The following DMTF1 variants were observed in gnomAD, a reference collection of about 807,000 sequenced individuals.
DMTF1 encodes the protein cyclin-D-binding Myb-like transcription factor 1.
A neutral mutation model predicts 91.1 loss-of-function variants in DMTF1; 39 were observed. That is an observed-to-expected ratio of 0.43 (90% confidence interval 0.33 to 0.56). DMTF1 has a LOEUF of 0.56. Among genes scored for constraint, DMTF1 ranks in the 20% least tolerant of loss-of-function variants. The pLI, the probability that DMTF1 is intolerant of heterozygous loss-of-function variation, is 0.05. For synonymous variants in DMTF1, 338 were observed against 309.5 expected (o/e 1.09, Z -0.97); for missense variants, 750 against 914.5 (o/e 0.82, Z 2.32).
chr7:87,158,076 T>C (rs1791247022), intron 1 of DMTF1, among the ~76,000 whole-genome samples: 1 of 152,084 alleles, frequency 6.6e-6, no homozygotes, highest in Admixed American at 6.5e-5. Flanking sequence ...AATAAAACTA[T>C]CAACTTTTGT....
intron 4 of DMTF1, among the ~76,000 whole-genome samples, chr7:87,169,731 C>T (rs981943813): frequency 2.0e-5 from 3 of 152,190 alleles, no homozygotes; most frequent in Non-Finnish European, 4.4e-5. Context: ...ATTACTCCCT[C>T]CTCCCTGAAA....
At chr7:87,157,965 T>C (rs975136476) in intron 1 of DMTF1, among the ~76,000 whole-genome samples, 5 of 152,226 alleles carry the variant, frequency 3.3e-5, no homozygotes, top group Admixed American at 2.0e-4. Context: ...TAAAAGTATG[T>C]TTTAAGAAAT....
In DMTF1 at chr7:87,195,137, T is replaced by G; in HGVS notation, c.2280T>G (p.His760Gln). ...ATGTCGAAGATTTGGTAAACTGTCA[T>G]TAGAATAATTCTTAGAAATAGGCAG... ...SKDVEDLVNC[H>Q] Residue 760 changes from histidine (H) to glutamine (Q), a missense_variant, in exon 18 of 18, where the codon CAT (histidine) becomes CAG (glutamine). This residue lies in a region of DMTF1 where 410 missense variants were observed against 420.2 expected (regional missense o/e 0.98). Coordinates refer to ENST00000331242, the MANE Select transcript of DMTF1 (RefSeq NM_001142327.2). 1 of 1,603,144 alleles carries G rather than the reference T, an allele frequency of 6.2e-7. No homozygotes were observed. The highest frequency in any genetic ancestry group is 1.1e-5 in the South Asian group (1 of 90,756).
chr7:87,167,448 T>A (rs1193363207), intron 4 of DMTF1, among the ~76,000 whole-genome samples: 2 of 152,222 alleles, frequency 1.3e-5, no homozygotes, highest in African/African-American at 4.8e-5. Flanking sequence ...ATGCAACACA[T>A]GGCTGTTGGC....
At chr7:87,173,356 A>C (rs772911482) in intron 5 of DMTF1, among the ~76,000 whole-genome samples, 179 bp from the exon 6 acceptor site, 17 of 152,278 alleles carry the variant, frequency 1.1e-4, no homozygotes, top group Non-Finnish European at 1.9e-4. Context: ...AACAGCAAGA[A>C]ATATTTTTTT....
chr7:87,193,416 A>G, intron 15 of DMTF1, 63 bp downstream of exon 15: 1 of 1,540,120 alleles, frequency 6.5e-7, no homozygotes, highest in Non-Finnish European at 9.0e-7. Context: ...GTTGATAAGG[A>G]CCAAAATAGA....
At chr7:87,172,372 C>T (rs1483436902) in intron 5 of DMTF1, among the ~76,000 whole-genome samples, 1 of 152,190 alleles carries the variant, frequency 6.6e-6, no homozygotes, top group East Asian at 1.9e-4. Flanking sequence ...GATTCAAAAA[C>T]GCTTTCATAA....
chr7:87,162,781 G>T (rs1333153297), intron 1 of DMTF1: 1 of 149,936 alleles, frequency 6.7e-6, no homozygotes, highest in Admixed American at 6.6e-5. Flanking sequence ...CCTAATTTTT[G>T]CTGAAACGTC....
In DMTF1 at chr7:87,179,595, C is replaced by A. The variant is rs184925730; in HGVS notation, c.570C>A (p.Asp190Glu). The A allele has an allele frequency of 6.4e-7, 1 of 1,561,636 alleles. No individual in the cohort carries two copies. Among genetic ancestry groups the A allele is most frequent in the Non-Finnish European group, 8.6e-7 (1 of 1,162,682 alleles). Residue 190 changes from aspartate (D) to glutamate (E), a missense_variant, in exon 8 of 18, where the codon GAC becomes GAA. Physicochemically the swap from Asp to Glu is conservative, Grantham distance 45. Coordinates refer to ENST00000331242, the MANE Select transcript of DMTF1 (RefSeq NM_001142327.2). ...AAATCATCTTTGAGATGTCAAAAGA[C>A]GAAAGAAAAGATTTCTACAGGACTA... ...ATEIIFEMSK[D>E]ERKDFYRTIA...
chr7:87,192,085 C>A (rs995925185), intron 14 of DMTF1, among the ~76,000 whole-genome samples: 1 of 151,922 alleles, frequency 6.6e-6, no homozygotes, highest in Non-Finnish European at 1.5e-5. Context: ...CTTTTTTAAG[C>A]CCATTCCCCT....
At chr7:87,168,185 G>C (rs567078842) in intron 4 of DMTF1, among the ~76,000 whole-genome samples, 4 of 152,240 alleles carry the variant, frequency 2.6e-5, no homozygotes, top group Non-Finnish European at 5.9e-5. Flanking sequence ...CACAGCATCA[G>C]CCTAACTCTC....
intron 8 of DMTF1, among the ~76,000 whole-genome samples, chr7:87,180,830 A>G (rs1797176804): frequency 6.6e-6 from 1 of 151,858 alleles, no homozygotes; most frequent in South Asian, 2.1e-4. Flanking sequence ...TTAAAAAAAA[A>G]TAAAAATAGA....
At chr7:87,173,176 T>C (rs1217742432) in intron 5 of DMTF1, among the ~76,000 whole-genome samples, 1 of 152,168 alleles carries the variant, frequency 6.6e-6, no homozygotes, top group African/African-American at 2.4e-5. Context: ...TTGAGCTCAT[T>C]TACATGTGTA....
intron 13 of DMTF1, 83 bp downstream of exon 13, chr7:87,188,384 A>C (rs1029529073): frequency 2.9e-5 from 42 of 1,435,718 alleles, no homozygotes; most frequent in Non-Finnish European, 3.9e-5. Flanking sequence ...GTTTTCTAGA[A>C]TGTTAATAGA....
Position 87,193,740 on chromosome 7 carries a change from A to C in DMTF1, c.1666A>C (p.Asn556His). ...VHALSPEHLL[N>H]TSDNVTVQCH... is the part of the protein sequence containing the mutation. ...TGTTTTATAGCCAGAACATTTGTTG[A>C]ACACAAGTGATAATGTTACAGTGCA... Residue 556 changes from asparagine (N) to histidine (H), a missense_variant, in exon 16 of 18, where the codon AAC becomes CAC. By Grantham distance (68) the Asn-to-His change is moderately conservative (BLOSUM62 1). Around this residue, in one of 3 missense-constraint regions of DMTF1, gnomAD observed 410 missense variants for 420.2 expected, o/e 0.98. Transcript: ENST00000331242. The C allele has an allele frequency of 1.2e-6, 2 of 1,600,320 alleles. No homozygotes were observed. The highest frequency in any genetic ancestry group is 1.7e-6 in the Non-Finnish European group (2 of 1,173,784).
intron 1 of DMTF1, among the ~76,000 whole-genome samples, chr7:87,156,226 A>C (rs187943106): frequency 2.6e-5 from 4 of 152,328 alleles, no homozygotes; most frequent in Non-Finnish European, 5.9e-5. Context: ...TTGAATAAGC[A>C]ATATAGTTTT....
chr7:87,160,385 C>T (rs1791991511), intron 1 of DMTF1, among the ~76,000 whole-genome samples: 1 of 151,910 alleles, frequency 6.6e-6, no homozygotes, highest in Admixed American at 6.6e-5. Flanking sequence ...AGTGATTCTC[C>T]TGCCTCAGCC....
chr7:87,193,404 T>G (rs1800358285), intron 15 of DMTF1, 51 bp downstream of exon 15: 1 of 1,596,078 alleles, frequency 6.3e-7, no homozygotes, highest in Non-Finnish European at 8.6e-7. Context: ...AGACCAGGAT[T>G]AGTTGATAAG....
At position 87,172,486 on chromosome 7, in the gene DMTF1, C is replaced by A. The variant is rs1795291751; in HGVS notation, c.328-1049C>A. Among the ~76,000 whole-genome samples the A allele has an allele frequency of 2.0e-5, 3 of 152,186 alleles. No individual in the cohort carries two copies. The South Asian group carries it at 6.2e-4, about 32-fold the overall frequency. On this transcript the variant is annotated intron_variant, in intron 5 of 17. Transcript: ENST00000331242. ...ACCTTGGTTGTCCACTGACAGCTTACCTCTTTCCAAGAGAGATGAGGACAA... is the reference window on the plus strand; with the variant it reads ...ACCTTGGTTGTCCACTGACAGCTTAACTCTTTCCAAGAGAGATGAGGACAA...
Sources: allele counts gnomAD v4.1 joint callset (sites outside exome capture counted in the v4.1 genomes callset), GRCh38; gene constraint gnomAD v4.1.1; regional missense constraint gnomAD v4.1.1; transcripts MANE v1.5; gene names NCBI Gene and HGNC (gene_info 2026-07-23, HGNC 2026-07-21).